The following PHKG2 variants were observed in gnomAD, a reference collection of about 807,000 sequenced individuals.
PHKG2 encodes the protein phosphorylase b kinase gamma catalytic chain, liver/testis isoform.
PHKG2 carries 28 observed loss-of-function variants against 44.5 expected under a neutral mutation model. The ratio of observed to expected loss-of-function variants is 0.63; its 90% CI spans 0.47 to 0.86. The LOEUF is 0.86. Ranked by LOEUF, PHKG2 falls within the 40% of genes least tolerant of loss-of-function variation. The probability of loss-of-function intolerance (pLI) is 0.00; values close to 1 mark genes in which losing one functional copy is unlikely to be tolerated. For missense variants in PHKG2, 498 were observed against 547.5 expected, an observed-to-expected ratio of 0.91 and a Z score of 0.90; for synonymous variants, 220 against 211.2, an observed-to-expected ratio of 1.04 and a Z score of -0.36.
intron 9 of PHKG2, 32 bp downstream of exon 9, chr16:30,756,747 T>G: frequency 1.2e-6 from 2 of 1,614,032 alleles, no homozygotes; most frequent in Non-Finnish European, 1.7e-6. Flanking sequence ...TCTGGGCCCG[T>G]TTCTCTGTCC....
At position 30,759,768 on chromosome 16, in the gene PHKG2, TCC is replaced by T. The variant is rs1196617109; in HGVS notation, c.*2672_*2673del. On this transcript the variant is annotated 3_prime_UTR_variant, in exon 10 of 10. Coordinates refer to ENST00000563588, the MANE Select transcript of PHKG2 (RefSeq NM_000294.3). Reference sequence around the variant, plus strand: ...TGCAGCAGTGAGGCCCTCTCTGGTATCCATTCATTCACTTCACTCAACAGCTG... The same window carrying T: ...TGCAGCAGTGAGGCCCTCTCTGGTATATTCATTCACTTCACTCAACAGCTG... 3.2e-6 allele frequency: 5 copies of T among 1,562,082 alleles called. No homozygotes were observed. The highest frequency in any genetic ancestry group is 4.3e-6 in the Non-Finnish European group (5 of 1,156,158).
chr16:30,758,989 G>C lies in PHKG2; in HGVS notation c.*1892G>C. On this transcript the variant is annotated 3_prime_UTR_variant, in exon 10 of 10. Coordinates refer to ENST00000563588, the MANE Select transcript of PHKG2 (RefSeq NM_000294.3). ...TACACCTGCTCAGAGGGACAGGGCA[G>C]CCTGCCCTCTCCAGATCCTCACTTG... 6.2e-7 allele frequency: 1 copy of C among 1,613,926 alleles called. No individual in the cohort carries two copies. Among genetic ancestry groups the C allele is most frequent in the South Asian group, 1.1e-5 (1 of 91,064 alleles).
intron 1 of PHKG2, 50 bp from the exon 2 acceptor site, chr16:30,748,753 C>T: frequency 1.9e-6 from 2 of 1,057,148 alleles, no homozygotes; most frequent in Non-Finnish European, 2.6e-6. Flanking sequence ...TGCGGGTCGT[C>T]TCAGAGCCTG....
chr16:30,748,444 G>A lies in PHKG2; in HGVS notation c.-65G>A. The A allele has an allele frequency of 3.7e-6, 1 of 272,102 alleles. No homozygotes were observed. Among genetic ancestry groups the A allele is most frequent in the African/African-American group, 2.3e-5 (1 of 43,888 alleles). 16.9% of individuals were successfully genotyped at this position (272,102 alleles called of 1,614,324 possible). On this transcript the variant is annotated 5_prime_UTR_variant, in exon 1 of 10. Transcript: ENST00000563588. Reference sequence around the variant, plus strand: ...GTGAGCGACTGCAGGCAAACCCGGCGACAGCGCAGCTCGCGTCGACCCTGG... The same window carrying A: ...GTGAGCGACTGCAGGCAAACCCGGCAACAGCGCAGCTCGCGTCGACCCTGG...
At position 30,756,277 on chromosome 16, in the gene PHKG2, G is replaced by A. The variant is rs1167289384; in HGVS notation, c.647+5G>A. 3 of 1,613,906 alleles carry A rather than the reference G, an allele frequency of 1.9e-6. No homozygotes were observed. On this transcript the variant is annotated splice_donor_5th_base_variant and intron_variant, in intron 7 of 9. Coordinates refer to ENST00000563588, the MANE Select transcript of PHKG2 (RefSeq NM_000294.3). ...CTATGGCAAGGAGGTCGACCTGTGA[G>A]TTCCTGGTCTCCCCCTCCCTCCCGT...
In PHKG2 at chr16:30,757,604, G is replaced by C. The variant is rs1567265655; in HGVS notation, c.*507G>C. 3 of 1,614,192 alleles carry C rather than the reference G, an allele frequency of 1.9e-6. No individual in the cohort carries two copies. The highest frequency in any genetic ancestry group is 1.1e-5 in the South Asian group (1 of 91,080). ...TCCACCAGCCCCTGGAGCTGCTCCAGCTCTTTGTTCACTTGGGTCTTGATG... is the reference window on the plus strand; with the variant it reads ...TCCACCAGCCCCTGGAGCTGCTCCACCTCTTTGTTCACTTGGGTCTTGATG... On this transcript the variant is annotated 3_prime_UTR_variant, in exon 10 of 10. Coordinates refer to ENST00000563588, the MANE Select transcript of PHKG2 (RefSeq NM_000294.3).
chr16:30,757,129 A>G lies in PHKG2; in HGVS notation c.*32A>G. 6.2e-7 allele frequency: 1 copy of G among 1,611,222 alleles called. No homozygotes were observed. The highest frequency in any genetic ancestry group is 8.5e-7 in the Non-Finnish European group (1 of 1,179,888). On this transcript the variant is annotated 3_prime_UTR_variant, in exon 10 of 10. Transcript: ENST00000563588. ...AACCCCAGGGATTCCCAGGAAGCAGAACTCTCCAGAAGAAGGGTTTTGATC... is the reference window on the plus strand; with the variant it reads ...AACCCCAGGGATTCCCAGGAAGCAGGACTCTCCAGAAGAAGGGTTTTGATC...
rs1287705581 is a variant in PHKG2, at chr16:30,760,966, C to T, written c.*3869C>T. On this transcript the variant is annotated 3_prime_UTR_variant, in exon 10 of 10. Coordinates refer to ENST00000563588, the MANE Select transcript of PHKG2 (RefSeq NM_000294.3). The stretch of plus-strand genomic sequence containing the variant: ...CAGTGTCCCCCTCTGTACAATACTC[C>T]TTAGCGGCCATGAGACTCCATTTAC... 1.6e-6 allele frequency: 1 copy of T among 613,590 alleles called. No individual in the cohort carries two copies. Among genetic ancestry groups the T allele is most frequent in the Non-Finnish European group, 2.9e-6 (1 of 349,160 alleles). The allele number at this position is 613,590 out of a possible 1,614,324, so 38.0% of individuals were successfully genotyped here.
chr16:30,748,459 G>T lies in PHKG2; in HGVS notation c.-50G>T. The T allele has an allele frequency of 3.2e-6, 1 of 309,734 alleles. No individual in the cohort carries two copies. The highest frequency in any genetic ancestry group is 6.5e-5 in the East Asian group (1 of 15,450). 19.2% of individuals were successfully genotyped at this position (309,734 alleles called of 1,614,324 possible). On this transcript the variant is annotated 5_prime_UTR_variant, in exon 1 of 10. Coordinates refer to ENST00000563588, the MANE Select transcript of PHKG2 (RefSeq NM_000294.3). ...CAAACCCGGCGACAGCGCAGCTCGC[G>T]TCGACCCTGGCTCCTCTGCCTGCCC...
rs911180099 is a variant in PHKG2 at position 30,760,558 on chromosome 16, C to T, written c.*3461C>T. ...ATTCCTCATGTTTTCCCAACCTGAC[C>T]CCTCAGCCTTTGCCAAGAGCTCTTC... On this transcript the variant is annotated 3_prime_UTR_variant, in exon 10 of 10. Transcript: ENST00000563588. 2 of 1,583,226 alleles carry T rather than the reference C, an allele frequency of 1.3e-6. No individual in the cohort carries two copies. Among genetic ancestry groups the T allele is most frequent in the African/African-American group, 1.4e-5 (1 of 74,048 alleles).
intron 2 of PHKG2, among the ~76,000 whole-genome samples, chr16:30,750,458 T>A (rs1384630212): frequency 6.6e-6 from 1 of 152,186 alleles, no homozygotes; most frequent in Non-Finnish European, 1.5e-5. Flanking sequence ...GTCTGAGGAA[T>A]GTGTAGGGTC....
Position 30,759,295 on chromosome 16 carries a change from G to C in PHKG2, c.*2198G>C. The C allele has an allele frequency of 6.2e-7, 1 of 1,613,066 alleles. No homozygotes were observed. Among genetic ancestry groups the C allele is most frequent in the South Asian group, 1.1e-5 (1 of 91,078 alleles). ...GCTGAAAGGAGTGCACCTGTGCTGAGGGGAGGGGCGGTTGAGGGTGGCTCC... is the reference window on the plus strand; with the variant it reads ...GCTGAAAGGAGTGCACCTGTGCTGACGGGAGGGGCGGTTGAGGGTGGCTCC... On this transcript the variant is annotated 3_prime_UTR_variant, in exon 10 of 10. Coordinates refer to ENST00000563588, the MANE Select transcript of PHKG2 (RefSeq NM_000294.3).
At chr16:30,750,412 G>T (rs1219807111) in intron 2 of PHKG2, among the ~76,000 whole-genome samples, 1 of 152,196 alleles carries the variant, frequency 6.6e-6, no homozygotes, top group Non-Finnish European at 1.5e-5. Flanking sequence ...TAAGAAACAG[G>T]ATTTGAGGCT....
At position 30,751,165 on chromosome 16, in the gene PHKG2, T is replaced by C. The variant is rs2053338307; in HGVS notation, c.155T>C (p.Val52Ala). ...CGAGCTACTGGCCACGAGTTTGCGG[T>C]GAAGATTATGGAAGTGACAGCTGAG... Reference protein sequence around the residue: ...VHRATGHEFAVKIMEVTAERL... With the variant: ...VHRATGHEFAAKIMEVTAERL... Residue 52 changes from valine to alanine, a missense_variant, in exon 3 of 10, where the codon GTG (valine) becomes GCG (alanine). By Grantham distance (64) the Val-to-Ala change is moderately conservative. Coordinates refer to ENST00000563588, the MANE Select transcript of PHKG2 (RefSeq NM_000294.3). 1.2e-6 allele frequency: 2 copies of C among 1,613,840 alleles called. No homozygotes were observed. The highest frequency in any genetic ancestry group is 2.2e-5 in the South Asian group (2 of 91,094).
rs771505836 is a variant in PHKG2 at position 30,756,872 on chromosome 16, C to T, written c.996C>T (p.Thr332=). 6.2e-7 allele frequency: 1 copy of T among 1,614,146 alleles called. No homozygotes were observed. Among genetic ancestry groups the T allele is most frequent in the Non-Finnish European group, 8.5e-7 (1 of 1,180,026 alleles). The part of the protein sequence containing the change: ...ALSTHRVRPL[T]KNALLRDPYA... ...GCACCCATCGTGTACGGCCACTGAC[C>T]AAGAATGCACTGTTGAGGGACCCTT... Residue 332 remains threonine (T), a synonymous_variant, in exon 10 of 10, where the codon ACC becomes ACT. Transcript: ENST00000563588.
At position 30,757,033 on chromosome 16, in the gene PHKG2, G is replaced by A. The variant is rs1377097368; in HGVS notation, c.1157G>A (p.Gly386Asp). 2 of 1,612,632 alleles carry A rather than the reference G, an allele frequency of 1.2e-6. No individual in the cohort carries two copies. Among genetic ancestry groups the A allele is most frequent in the Admixed American group, 1.7e-5 (1 of 60,028 alleles). ...HRPPGPFPIM[G>D]PEEEGDSAAI... The stretch of plus-strand genomic sequence containing the variant: ...CCCCCTGGGCCTTTTCCCATCATGG[G>A]CCCTGAAGAGGAGGGAGACTCTGCT... The change falls in exon 10 of 10, where the codon GGC (glycine) becomes GAC (aspartate). Residue 386 changes from glycine (G) to aspartate (D), a missense_variant. By Grantham distance (94) the Gly-to-Asp change is moderately conservative. Coordinates refer to ENST00000563588, the MANE Select transcript of PHKG2 (RefSeq NM_000294.3).
chr16:30,751,454 A>G lies in PHKG2; in HGVS notation c.272-95A>G. ...CCTCTGGTTCTCCTTTCTTCCCAGTAACAGCCCGCTGCTGTCCCAGGGTGG... is the reference window on the plus strand; with the variant it reads ...CCTCTGGTTCTCCTTTCTTCCCAGTGACAGCCCGCTGCTGTCCCAGGGTGG... On this transcript the variant is annotated intron_variant, in intron 3 of 9. Coordinates refer to ENST00000563588, the MANE Select transcript of PHKG2 (RefSeq NM_000294.3). 4 of 1,312,338 alleles carry G rather than the reference A, an allele frequency of 3.0e-6. No individual in the cohort carries two copies. The Admixed American group carries it at 5.0e-5, about 17-fold the overall frequency. 81.3% of individuals were successfully genotyped at this position (1,312,338 alleles called of 1,614,324 possible).
At chr16:30,751,682 T>A (rs1365795340) in intron 4 of PHKG2, 79 bp downstream of exon 4, 3 of 1,194,810 alleles carry the variant, frequency 2.5e-6, no homozygotes. Flanking sequence ...TGCAGTGGGC[T>A]GGACCCATCC....
In PHKG2 at chr16:30,751,265, C is replaced by T. The variant is rs775095281; in HGVS notation, c.255C>T (p.Ala85=). The change falls in exon 3 of 10, where the codon GCC becomes GCT. Residue 85 remains alanine (A), a synonymous_variant. Coordinates refer to ENST00000563588, the MANE Select transcript of PHKG2 (RefSeq NM_000294.3). ...RRETHILRQV[A]GHPHIITLID... ...AGACACACATCCTTCGCCAGGTCGCCGGCCACCCCCACATCAGTGAGGCTG... is the reference window on the plus strand; with the variant it reads ...AGACACACATCCTTCGCCAGGTCGCTGGCCACCCCCACATCAGTGAGGCTG... 60 of 1,610,050 alleles carry T rather than the reference C, an allele frequency of 3.7e-5. No individual in the cohort carries two copies. In the Middle Eastern group the frequency reaches 6.6e-4, roughly 18 times the overall value.
Sources: allele counts gnomAD v4.1 joint callset (sites outside exome capture counted in the v4.1 genomes callset), GRCh38; gene constraint gnomAD v4.1.1; transcripts MANE v1.5; gene names NCBI Gene and HGNC (gene_info 2026-07-23, HGNC 2026-07-21).